PPP2R1A: variants seen among roughly 807,000 people sequenced by gnomAD.
PPP2R1A encodes serine/threonine-protein phosphatase 2A 65 kDa regulatory subunit A alpha isoform.
In PPP2R1A, 15 loss-of-function variants were observed where a neutral mutation model predicts 67.1. That is an observed-to-expected ratio of 0.22 (90% confidence interval 0.15 to 0.34). The LOEUF (loss-of-function observed/expected upper bound fraction) is 0.34. Ranked by LOEUF, PPP2R1A falls within the 10% of genes least tolerant of loss-of-function variation. The probability of loss-of-function intolerance (pLI) is 1.00; values close to 1 mark genes in which losing one functional copy is unlikely to be tolerated. For synonymous variants in PPP2R1A, 337 were observed against 325.0 expected (o/e 1.04, Z -0.40); for missense variants, 369 against 775.0 (o/e 0.48, Z 6.22).
intron 3 of PPP2R1A, among the ~76,000 whole-genome samples, chr19:52,207,500 G>A (rs768492932): frequency 1.3e-5 from 2 of 152,186 alleles, no homozygotes; most frequent in Non-Finnish European, 2.9e-5. Flanking sequence ...TCTCAGTGAG[G>A]AAAGTCCCAG....
chr19:52,220,811 A>G, intron 11 of PPP2R1A, among the ~76,000 whole-genome samples, 168 bp from the exon 12 acceptor site: 1 of 152,154 alleles, frequency 6.6e-6, no homozygotes, highest in East Asian at 1.9e-4. Flanking sequence ...ATAAAAAAAA[A>G]CAGTTACTAG....
intron 3 of PPP2R1A, among the ~76,000 whole-genome samples, chr19:52,210,754 A>G (rs925415138): frequency 6.6e-6 from 1 of 152,040 alleles, no homozygotes; most frequent in Non-Finnish European, 1.5e-5. Flanking sequence ...AGCCTCCCAT[A>G]GTGCTGGGAT....
intron 1 of PPP2R1A, among the ~76,000 whole-genome samples, chr19:52,198,668 T>C (rs1386013700): frequency 2.6e-5 from 4 of 152,186 alleles, no homozygotes; most frequent in Admixed American, 6.5e-5. Context: ...TCCTTTCCTC[T>C]TTGGTTTTTA....
At chr19:52,201,204 C>T (rs1407760945) in intron 1 of PPP2R1A, 1 of 152,300 alleles carries the variant, frequency 6.6e-6, no homozygotes, top group Non-Finnish European at 1.5e-5. Context: ...ACGTGCACGT[C>T]ACTGGGACAT....
rs141304480 is a variant in PPP2R1A at position 52,222,176 on chromosome 19, G to A, written c.1596G>A (p.Pro532=). The A allele has an allele frequency of 1.7e-5, 28 of 1,614,160 alleles. No individual in the cohort carries two copies. Among genetic ancestry groups the A allele is most frequent in the African/African-American group, 8.0e-5 (6 of 75,030 alleles). The change falls in exon 13 of 15, where the codon CCG becomes CCA. Residue 532 remains proline (P), a synonymous_variant. Coordinates refer to ENST00000322088, the MANE Select transcript of PPP2R1A (RefSeq NM_014225.6). ...LPTVLRMAGD[P]VANVRFNVAK... is the part of the protein sequence containing the mutation. ...CGGTTCTGCGCATGGCTGGGGACCC[G>A]GTTGCCAATGTCCGCTTCAATGTGG... is the stretch of plus-strand genomic sequence containing the variant.
Position 52,212,881 on chromosome 19 carries a change from C to T in PPP2R1A, c.651+48C>T, listed in dbSNP as rs2122336638. On this transcript the variant is annotated intron_variant, in intron 5 of 14. Transcript: ENST00000322088. This position sits in a 1 kb window ranked among gnomAD's most constrained non-coding sequence, Gnocchi z 4.1. ...CTGCTCTCCCGTCCTTCTGGTGGTT[C>T]CTGCCCATGAAAGAGAATCCCAGAG... 1 of 1,568,998 alleles carries T rather than the reference C, an allele frequency of 6.4e-7. No individual in the cohort carries two copies. The highest frequency in any genetic ancestry group is 1.4e-5 in the African/African-American group (1 of 73,914).
Position 52,213,209 on chromosome 19 carries a change from C to A in PPP2R1A, c.807+99C>A. ...TGAGGTTTCCATTAGGCCGATGGAACCATTGGGCGTTTGAGCAATAAGATC... is the reference window on the plus strand; with the variant it reads ...TGAGGTTTCCATTAGGCCGATGGAAACATTGGGCGTTTGAGCAATAAGATC... On this transcript the variant is annotated intron_variant, in intron 6 of 14. Coordinates refer to ENST00000322088, the MANE Select transcript of PPP2R1A (RefSeq NM_014225.6). This position sits in a 1 kb window ranked among gnomAD's most constrained non-coding sequence, Gnocchi z 4.2. The A allele has an allele frequency of 1.5e-6, 2 of 1,377,810 alleles. No individual in the cohort carries two copies. Among genetic ancestry groups the A allele is most frequent in the Admixed American group, 3.0e-5 (1 of 33,354 alleles). 85.3% of individuals were successfully genotyped at this position (1,377,810 alleles called of 1,614,324 possible).
At chr19:52,223,727 A>G (rs1979083017) in intron 13 of PPP2R1A, among the ~76,000 whole-genome samples, 1 of 152,050 alleles carries the variant, frequency 6.6e-6, no homozygotes, top group African/African-American at 2.4e-5. Flanking sequence ...TGGTGAAGAC[A>G]TAGAAGAGCT....
At chr19:52,225,308 C>T (rs1979188700) in intron 13 of PPP2R1A, among the ~76,000 whole-genome samples, 1 of 152,070 alleles carries the variant, frequency 6.6e-6, no homozygotes, top group African/African-American at 2.4e-5. Flanking sequence ...AGATGTGAGC[C>T]ACCACGTCCG....
intron 13 of PPP2R1A, among the ~76,000 whole-genome samples, chr19:52,223,673 G>A (rs989528728): frequency 1.3e-5 from 2 of 152,114 alleles, no homozygotes; most frequent in African/African-American, 2.4e-5. Context: ...ATGACTACAC[G>A]CCTCCCAGAA....
intron 9 of PPP2R1A, among the ~76,000 whole-genome samples, chr19:52,218,712 C>T (rs1463699072): frequency 6.6e-6 from 1 of 152,182 alleles, no homozygotes; most frequent in African/African-American, 2.4e-5. Context: ...ACCTCTCCAG[C>T]GTTTTGGGGA....
chr19:52,203,038 T>C (rs754484512), intron 2 of PPP2R1A, among the ~76,000 whole-genome samples: 2 of 152,236 alleles, frequency 1.3e-5, no homozygotes, highest in African/African-American at 4.8e-5. Flanking sequence ...TTTATACTTA[T>C]TACCAGCTGA....
intron 3 of PPP2R1A, among the ~76,000 whole-genome samples, chr19:52,210,297 T>G (rs1006163599): frequency 1.3e-5 from 2 of 151,978 alleles, no homozygotes; most frequent in Non-Finnish European, 2.9e-5. Flanking sequence ...AGGAGCACAG[T>G]CATTCTAGGC....
At chr19:52,193,148 A>T (rs11879812) in intron 1 of PPP2R1A, among the ~76,000 whole-genome samples, 3,425 of 152,332 alleles carry the variant, frequency 0.022, 112 homozygotes, top group African/African-American at 0.076. Context: ...CATTTTCCAG[A>T]TGAGGAAACT....
intron 1 of PPP2R1A, among the ~76,000 whole-genome samples, chr19:52,192,674 T>TC (rs1310589527): frequency 6.6e-6 from 1 of 152,164 alleles, no homozygotes; most frequent in Non-Finnish European, 1.5e-5. Flanking sequence ...TCCCATCTTT[T>TC]CATTCATCCA....
intron 1 of PPP2R1A, among the ~76,000 whole-genome samples, chr19:52,194,515 A>T (rs987668744): frequency 2.0e-5 from 3 of 152,068 alleles, no homozygotes; most frequent in African/African-American, 7.2e-5. Context: ...TCTGGCTGTC[A>T]TAGGGGTTGG....
chr19:52,195,381 C>A (rs752795558), intron 1 of PPP2R1A, among the ~76,000 whole-genome samples: 2 of 152,244 alleles, frequency 1.3e-5, no homozygotes, highest in South Asian at 4.2e-4. Context: ...AGAAGACTTC[C>A]GTGACTAAAT....
Position 52,216,495 on chromosome 19 carries a change from A to G in PPP2R1A, c.994-34A>G, listed in dbSNP as rs1978582350. ...AGCCACTTGCTGCTGCAGGGGTTGC[A>G]CTGACCCCTGTGCCTGCCTCTTCTC... On this transcript the variant is annotated intron_variant, in intron 8 of 14. Coordinates refer to ENST00000322088, the MANE Select transcript of PPP2R1A (RefSeq NM_014225.6). The surrounding 1 kb of genome is among the most constrained non-coding windows in gnomAD (Gnocchi z 4.3). 1.9e-6 allele frequency: 3 copies of G among 1,613,750 alleles called. No individual in the cohort carries two copies. Among genetic ancestry groups the G allele is most frequent in the Non-Finnish European group, 2.5e-6 (3 of 1,179,874 alleles).
rs777655260 is a variant in PPP2R1A, at chr19:52,215,797, C to A, written c.826C>A (p.Pro276Thr). 2 of 1,614,014 alleles carry A rather than the reference C, an allele frequency of 1.2e-6. No individual in the cohort carries two copies. The highest frequency in any genetic ancestry group is 1.7e-6 in the Non-Finnish European group (2 of 1,179,904). ...TCTGCAGCTCCAGAAAGCAGTGGGG[C>A]CTGAGATCACCAAGACAGACCTGGT... ...KFTELQKAVG[P>T]EITKTDLVPA... The change falls in exon 7 of 15, where the codon CCT (proline) becomes ACT (threonine). Residue 276 changes from proline to threonine, a missense_variant. Physicochemically the swap from Pro to Thr is conservative, Grantham distance 38 (BLOSUM62 -1). Coordinates refer to ENST00000322088, the MANE Select transcript of PPP2R1A (RefSeq NM_014225.6).
Sources: gnomAD v4.1 joint callset for allele counts (sites outside exome capture counted in the v4.1 genomes callset) on GRCh38, gnomAD v4.1.1 for gene constraint, Gnocchi (gnomAD v3.1) non-coding constraint, MANE v1.5 for transcripts, NCBI Gene and HGNC (gene_info 2026-07-23, HGNC 2026-07-21) for gene names.